The following OPTN variants were observed in gnomAD, a reference collection of about 807,000 sequenced individuals.
OPTN encodes the protein optineurin.
Under a neutral mutation model 70.4 loss-of-function variants are expected in OPTN, and 54 were observed. The ratio of observed to expected loss-of-function variants is 0.77; its 90% CI spans 0.62 to 0.96. The LOEUF (loss-of-function observed/expected upper bound fraction) is 0.96, where lower values mean the gene tolerates loss of function less well. Ranked by LOEUF, OPTN falls within the 40% of genes least tolerant of loss-of-function variation. The probability of loss-of-function intolerance (pLI) is 0.00; values close to 1 mark genes in which losing one functional copy is unlikely to be tolerated. For synonymous variants in OPTN, 256 were observed against 248.5 expected (o/e 1.03, Z -0.28); for missense variants, 624 against 673.2 (o/e 0.93, Z 0.81).
chr10:13,128,870 C>T (rs921137234), intron 12 of OPTN, among the ~76,000 whole-genome samples: 1 of 152,010 alleles, frequency 6.6e-6, no homozygotes, highest in Non-Finnish European at 1.5e-5. Context: ...GTAATGACTT[C>T]TATGTATACT....
chr10:13,114,778 T>TACGTA lies in OPTN; in HGVS notation c.553-1489_553-1488insACGTA, dbSNP rs1564358640. Among the ~76,000 whole-genome samples, 35 of 100,310 alleles carry TACGTA rather than the reference T, an allele frequency of 3.5e-4. 3 individuals are homozygous for TACGTA. The highest frequency in any genetic ancestry group is 6.2e-4 in the South Asian group (2 of 3,242). 65.8% of individuals were successfully genotyped at this position (100,310 alleles called of 152,430 possible). A position where few individuals can be genotyped will look rare whatever the true frequency, so the allele number is the denominator to read the frequency against. ...TATAATTGCATATATAATTATATAATTATATAATTATATAATTATATATAC... is the reference window on the plus strand; with the variant it reads ...TATAATTGCATATATAATTATATAATACGTATATATAATTATATAATTATATATAC... On this transcript the variant is annotated intron_variant, in intron 5 of 14. Transcript: ENST00000378747.
chr10:13,129,716 C>T (rs1833552484), intron 12 of OPTN, among the ~76,000 whole-genome samples: 1 of 152,176 alleles, frequency 6.6e-6, no homozygotes, highest in Admixed American at 6.5e-5. Context: ...CTAAAACTGC[C>T]TAACCAAAAT....
chr10:13,109,117 T>C lies in OPTN; in HGVS notation c.-6T>C. The C allele has an allele frequency of 6.2e-7, 1 of 1,613,854 alleles. No individual in the cohort carries two copies. Among genetic ancestry groups the C allele is most frequent in the South Asian group, 1.1e-5 (1 of 91,068 alleles). On this transcript the variant is annotated 5_prime_UTR_variant, in exon 3 of 15. Transcript: ENST00000378747. The stretch of plus-strand genomic sequence containing the variant: ...AACAGGTGACTTTTCCACAGGAACT[T>C]CTGCAATGTCCCATCAACCTCTCAG...
At chr10:13,123,852 T>C in intron 8 of OPTN, 143 bp from the exon 9 acceptor site, 1 of 678,396 alleles carries the variant, frequency 1.5e-6, no homozygotes, top group South Asian at 1.6e-5. Context: ...TCCTACACAA[T>C]GTTTGGGGTA....
At chr10:13,104,497 C>G in intron 1 of OPTN, 3 of 312,136 alleles carry the variant, frequency 9.6e-6, no homozygotes, top group Non-Finnish European at 1.2e-5. Context: ...TGTACATGAC[C>G]TAACTTTTAC....
At chr10:13,124,956 G>A (rs960557504) in intron 9 of OPTN, among the ~76,000 whole-genome samples, 5 of 152,232 alleles carry the variant, frequency 3.3e-5, no homozygotes, top group Admixed American at 1.3e-4. Flanking sequence ...GTATTATATT[G>A]AAATCCTCTT....
At chr10:13,102,540 A>C (rs1832772780) in intron 1 of OPTN, among the ~76,000 whole-genome samples, 1 of 152,200 alleles carries the variant, frequency 6.6e-6, no homozygotes, top group East Asian at 1.9e-4. Flanking sequence ...GCAGTGGACA[A>C]AATAGGCAGA....
chr10:13,136,287 A>C (rs2131534194), intron 14 of OPTN, among the ~76,000 whole-genome samples: 1 of 152,246 alleles, frequency 6.6e-6, no homozygotes, highest in South Asian at 2.1e-4. Flanking sequence ...AGGTGGGCAG[A>C]TCATGAGGTC....
At chr10:13,136,505 CAAA>C (rs71386161) in intron 14 of OPTN, among the ~76,000 whole-genome samples, 36 of 72,858 alleles carry the variant, frequency 4.9e-4, no homozygotes, top group African/African-American at 1.9e-3. Context: ...GACTCCGTCT[CAAA>C]AAAAAAAAAA....
At chr10:13,132,959 G>A (rs1392753576) in intron 13 of OPTN, among the ~76,000 whole-genome samples, 6 of 152,036 alleles carry the variant, frequency 3.9e-5, no homozygotes, top group Non-Finnish European at 5.9e-5. Context: ...TAGAATCAAA[G>A]TCTCCTTTGT....
chr10:13,117,197 T>C (rs599557), intron 6 of OPTN, among the ~76,000 whole-genome samples: 81,139 of 149,788 alleles, frequency 0.54, 22,145 homozygotes, highest in East Asian at 0.61. Flanking sequence ...TCTCCTGCCT[T>C]AGCCTCCCGA....
rs113955718 is a variant in OPTN, at chr10:13,112,485, C to T, written c.402C>T (p.Ala134=). ...CTGATGACTCCAGGCTTCCCAGGGC[C>T]GAAGCGGAGCAGGAAAAGGACCAGC... The part of the protein sequence containing the change: ...DPTDDSRLPR[A]EAEQEKDQLR... Residue 134 remains alanine (A), a synonymous_variant, in exon 5 of 15, where the codon GCC becomes GCT. Coordinates refer to ENST00000378747, the MANE Select transcript of OPTN (RefSeq NM_001008212.2). 46 of 1,613,902 alleles carry T rather than the reference C, an allele frequency of 2.9e-5. No homozygotes were observed. Among genetic ancestry groups the T allele is most frequent in the South Asian group, 1.4e-4 (13 of 91,070 alleles).
At chr10:13,124,222 C>A (rs773061709) in intron 9 of OPTN, 112 bp downstream of exon 9, 42 of 653,294 alleles carry the variant, frequency 6.4e-5, no homozygotes, top group Middle Eastern at 4.0e-4. Context: ...GAAAAATAGA[C>A]ACCTAATTAA....
chr10:13,129,571 T>TA (rs1564367503), intron 12 of OPTN, among the ~76,000 whole-genome samples: 1 of 138,290 alleles, frequency 7.2e-6, no homozygotes, highest in Non-Finnish European at 1.6e-5. Flanking sequence ...CATGGTGGTC[T>TA]CGAACAGTTG....
intron 1 of OPTN, chr10:13,104,821 GT>G (rs1832829000): frequency 2.3e-6 from 1 of 440,888 alleles, no homozygotes; most frequent in Admixed American, 2.8e-5. Flanking sequence ...TCAACAAAAG[GT>G]GGCATTCGAG....
Position 13,109,127 on chromosome 10 carries a change from C to T in OPTN, c.5C>T (p.Ser2Phe), listed in dbSNP as rs1832936173. Residue 2 changes from serine to phenylalanine, a missense_variant, in exon 3 of 15, where the codon TCC (serine) becomes TTC (phenylalanine). Ser to Phe is a radical substitution (Grantham distance 155). Coordinates refer to ENST00000378747, the MANE Select transcript of OPTN (RefSeq NM_001008212.2). M[S>F]HQPLSCLTEK... Reference sequence around the variant, plus strand: ...TTTTCCACAGGAACTTCTGCAATGTCCCATCAACCTCTCAGCTGCCTCACT... The same window carrying T: ...TTTTCCACAGGAACTTCTGCAATGTTCCATCAACCTCTCAGCTGCCTCACT... 1 of 1,613,882 alleles carries T rather than the reference C, an allele frequency of 6.2e-7. No individual in the cohort carries two copies. Among genetic ancestry groups the T allele is most frequent in the African/African-American group, 1.3e-5 (1 of 74,906 alleles).
In OPTN at chr10:13,114,814, T is replaced by TTTTATATACATA. The variant is rs1564358871; in HGVS notation, c.553-1452_553-1451insTTATATACATAT. 6.3e-3 allele frequency among the ~76,000 whole-genome samples: 420 copies of TTTTATATACATA among 66,694 alleles called. 33 individuals carry two copies. The highest frequency in any genetic ancestry group is 0.044 in the East Asian group (97 of 2,220). The allele number at this position is 66,694 out of a possible 152,430, so 43.8% of individuals were successfully genotyped here. On this transcript the variant is annotated intron_variant, in intron 5 of 14. Coordinates refer to ENST00000378747, the MANE Select transcript of OPTN (RefSeq NM_001008212.2). Reference sequence around the variant, plus strand: ...TATAATTATATATACATATATATAATTATATAATTATATAATTATATAATT... The same window carrying TTTTATATACATA: ...TATAATTATATATACATATATATAATTTTATATACATATATATAATTATATAATTATATAATT...
chr10:13,119,186 A>G (rs1164250247), intron 7 of OPTN, 146 bp downstream of exon 7: 3 of 794,586 alleles, frequency 3.8e-6, no homozygotes, highest in African/African-American at 1.7e-5. Context: ...CTGTTACTAC[A>G]ATATAATTTT....
chr10:13,118,553 T>C (rs1401910891), intron 6 of OPTN, among the ~76,000 whole-genome samples: 1 of 152,222 alleles, frequency 6.6e-6, no homozygotes, highest in Non-Finnish European at 1.5e-5. Context: ...TCTGGAAAGC[T>C]TGGCACCTTC....
Sources: allele counts gnomAD v4.1 joint callset (sites outside exome capture counted in the v4.1 genomes callset), GRCh38; gene constraint gnomAD v4.1.1; transcripts MANE v1.5; gene names NCBI Gene and HGNC (gene_info 2026-07-23, HGNC 2026-07-21).